The following GINM1 variants were observed in gnomAD, a reference collection of about 807,000 sequenced individuals.
The protein encoded by GINM1 is glycosylated integral membrane protein 1, also known as glycoprotein integral membrane protein 1.
A neutral mutation model predicts 37.8 loss-of-function variants in GINM1; 29 were observed. The ratio of observed to expected loss-of-function variants is 0.77; its 90% CI spans 0.57 to 1.05. The LOEUF is 1.05. Ranked by LOEUF, GINM1 falls within the 50% of genes least tolerant of loss-of-function variation. The pLI, the probability that GINM1 is intolerant of heterozygous loss-of-function variation, is 0.00. For synonymous variants in GINM1, 143 were observed against 146.2 expected, an observed-to-expected ratio of 0.98 and a Z score of 0.16; for missense variants, 377 against 397.9, an observed-to-expected ratio of 0.95 and a Z score of 0.45.
chr6:149,574,239 T>G (rs577280785), intron 3 of GINM1, among the ~76,000 whole-genome samples: 1 of 151,858 alleles, frequency 6.6e-6, no homozygotes, highest in Non-Finnish European at 1.5e-5. Flanking sequence ...TTAGTAGAGA[T>G]GGGGTTTCAC....
Position 149,578,914 on chromosome 6 carries a change from G to T in GINM1, c.370G>T (p.Gly124Cys), listed in dbSNP as rs756233383. Residue 124 changes from glycine (G) to cysteine (C), a missense_variant, in exon 4 of 8, where the codon GGT becomes TGT. Physicochemically the swap from Gly to Cys is radical, Grantham distance 159. Transcript: ENST00000367419. The stretch of plus-strand genomic sequence containing the variant: ...AGTTCATGAGTGGCCTATGACATCT[G>T]GTTCCAGTTTGCAACTAATTGTCAT... ...ILVHEWPMTSGSSLQLIVIQE... is the reference protein window; with the variant it reads ...ILVHEWPMTSCSSLQLIVIQE... 6.2e-7 allele frequency: 1 copy of T among 1,605,422 alleles called. No individual in the cohort carries two copies. Among genetic ancestry groups the T allele is most frequent in the South Asian group, 1.1e-5 (1 of 90,498 alleles).
At chr6:149,575,049 C>G (rs1777893814) in intron 3 of GINM1, among the ~76,000 whole-genome samples, 2 of 151,920 alleles carry the variant, frequency 1.3e-5, no homozygotes, top group South Asian at 4.1e-4. Context: ...TTATGTAGTC[C>G]AATATTCATG....
intron 1 of GINM1, among the ~76,000 whole-genome samples, chr6:149,569,346 T>TC (rs1338988276): frequency 6.8e-6 from 1 of 146,342 alleles, no homozygotes; most frequent in East Asian, 2.1e-4. Context: ...ACTTTTTTTT[T>TC]TTTTTTTTGA....
At chr6:149,569,281 C>T (rs1045761621) in intron 1 of GINM1, among the ~76,000 whole-genome samples, 1 of 151,230 alleles carries the variant, frequency 6.6e-6, no homozygotes, top group African/African-American at 2.4e-5. Context: ...AGTGATCCAC[C>T]CGCCTCAGCC....
chr6:149,567,736 G>C (rs1176489564), intron 1 of GINM1, among the ~76,000 whole-genome samples: 2 of 152,190 alleles, frequency 1.3e-5, no homozygotes, highest in Non-Finnish European at 2.9e-5. Context: ...CAGTTCTGCA[G>C]GGCATTCCAA....
chr6:149,582,339 T>C (rs73006809), intron 6 of GINM1, 101 bp from the exon 7 acceptor site: 79 of 998,390 alleles, frequency 7.9e-5, no homozygotes, highest in Middle Eastern at 2.4e-4. Context: ...AATCAAAATA[T>C]AGAATATTTT....
chr6:149,578,888 T>A lies in GINM1; in HGVS notation c.344T>A (p.Leu115Ter), dbSNP rs1429074272. The A allele has an allele frequency of 1.2e-6, 2 of 1,601,224 alleles. No individual in the cohort carries two copies. The highest frequency in any genetic ancestry group is 2.7e-5 in the African/African-American group (2 of 74,712). Residue 115 changes from leucine (L) to a stop codon, truncating the protein, a stop_gained, in exon 4 of 8, where the codon TTA becomes TAA. Transcript: ENST00000367419. LOFTEE classifies it high-confidence loss of function. ...EYFGIVSVRI[L>*]VHEWPMTSGS... ...TTTGGAATTGTCAGTGTAAGGATTT[T>A]AGTTCATGAGTGGCCTATGACATCT...
intron 7 of GINM1, among the ~76,000 whole-genome samples, chr6:149,589,823 G>A (rs1408478178): frequency 6.6e-6 from 1 of 151,958 alleles, no homozygotes; most frequent in Non-Finnish European, 1.5e-5. Context: ...TTTTGAGACA[G>A]GGGCTAACTT....
intron 4 of GINM1, among the ~76,000 whole-genome samples, chr6:149,579,191 T>C (rs1052240124): frequency 1.3e-5 from 2 of 152,374 alleles, no homozygotes; most frequent in Admixed American, 6.5e-5. Flanking sequence ...CACTTTAAAA[T>C]GTACAGACAT....
intron 1 of GINM1, among the ~76,000 whole-genome samples, chr6:149,569,337 CTTTTTT>C (rs372296900): frequency 8.1e-6 from 1 of 123,866 alleles, no homozygotes; most frequent in Non-Finnish European, 1.7e-5. Flanking sequence ...CGCCCGGTCA[CTTTTTT>C]TTTTTTTTTT....
chr6:149,581,776 T>C lies in GINM1; in HGVS notation c.718-664T>C, dbSNP rs577667028. On this transcript the variant is annotated intron_variant, in intron 6 of 7. Transcript: ENST00000367419. Reference sequence around the variant, plus strand: ...AAATTCATTTTAAATGAGCAGGGTCTATGGTTGGTATTAAAGGAGTAGTAG... The same window carrying C: ...AAATTCATTTTAAATGAGCAGGGTCCATGGTTGGTATTAAAGGAGTAGTAG... 3.1e-4 allele frequency among the ~76,000 whole-genome samples: 47 copies of C among 152,312 alleles called. No homozygotes were observed. The Middle Eastern group carries it at 0.024, about 77-fold the overall frequency.
intron 7 of GINM1, among the ~76,000 whole-genome samples, chr6:149,583,875 A>T (rs1778034957): frequency 6.6e-6 from 1 of 152,194 alleles, no homozygotes; most frequent in Non-Finnish European, 1.5e-5. Context: ...GGAGAGACTG[A>T]CTTTGACTTC....
At chr6:149,583,299 C>G (rs945890245) in intron 7 of GINM1, among the ~76,000 whole-genome samples, 1 of 152,050 alleles carries the variant, frequency 6.6e-6, no homozygotes, top group African/African-American at 2.4e-5. Context: ...CCTGTCTCTA[C>G]TAAAAATACA....
In GINM1 at chr6:149,578,925, G is replaced by A. The variant is rs1436509408; in HGVS notation, c.381G>A (p.Leu127=). The stretch of plus-strand genomic sequence containing the variant: ...GGCCTATGACATCTGGTTCCAGTTT[G>A]CAACTAATTGTCATTCAAGAAGAGG... ...HEWPMTSGSS[L]QLIVIQEEVV... is the part of the protein sequence containing the mutation. Residue 127 remains leucine, a synonymous_variant, in exon 4 of 8, where the codon TTG becomes TTA. Transcript: ENST00000367419. 1 of 1,605,838 alleles carries A rather than the reference G, an allele frequency of 6.2e-7. No individual in the cohort carries two copies. Among genetic ancestry groups the A allele is most frequent in the South Asian group, 1.1e-5 (1 of 90,480 alleles).
rs1488937700 is a variant in GINM1 at position 149,566,403 on chromosome 6, G to C, written c.-12G>C. ...TCCCGGCCGCGGCTGCCCTCTGCCC[G>C]GGTTGTCCAAGATGGAGGGCGCTCC... On this transcript the variant is annotated 5_prime_UTR_variant, in exon 1 of 8. Transcript: ENST00000367419. This position sits in a 1 kb window ranked among gnomAD's most constrained non-coding sequence, Gnocchi z 4.4. 5 of 1,542,548 alleles carry C rather than the reference G, an allele frequency of 3.2e-6. No individual in the cohort carries two copies. Among genetic ancestry groups the C allele is most frequent in the Non-Finnish European group, 3.5e-6 (4 of 1,153,780 alleles).
rs1011744084 is a variant in GINM1, at chr6:149,566,579, T to C, written c.120+45T>C. 4.6e-5 allele frequency: 67 copies of C among 1,450,312 alleles called. No individual in the cohort carries two copies. Among genetic ancestry groups the C allele is most frequent in the Non-Finnish European group, 5.5e-5 (61 of 1,102,586 alleles). 89.8% of individuals were successfully genotyped at this position (1,450,312 alleles called of 1,614,324 possible). On this transcript the variant is annotated intron_variant, in intron 1 of 7. Transcript: ENST00000367419. The surrounding 1 kb of genome is among the most constrained non-coding windows in gnomAD (Gnocchi z 4.4). ...GCTGGCCGCTTTACGACTCCGACTCTCCGGGAGGCCCGGGCTGTCCACAGT... is the reference window on the plus strand; with the variant it reads ...GCTGGCCGCTTTACGACTCCGACTCCCCGGGAGGCCCGGGCTGTCCACAGT...
chr6:149,590,796 A>G lies in GINM1; in HGVS notation c.951A>G (p.Pro317=). 6.2e-7 allele frequency: 1 copy of G among 1,603,042 alleles called. No homozygotes were observed. Among genetic ancestry groups the G allele is most frequent in the Non-Finnish European group, 8.5e-7 (1 of 1,170,246 alleles). The stretch of plus-strand genomic sequence containing the variant: ...CTATCAACTTATATCCAGATGGTCC[A>G]GAGAAAAGAGCTGAAAACCTTGAAG... ...VTAINLYPDG[P]EKRAENLEDK... Residue 317 remains proline, a synonymous_variant, in exon 8 of 8, where the codon CCA becomes CCG. Coordinates refer to ENST00000367419, the MANE Select transcript of GINM1 (RefSeq NM_138785.5).
chr6:149,585,937 A>T (rs1452867019), intron 7 of GINM1, among the ~76,000 whole-genome samples: 1 of 152,184 alleles, frequency 6.6e-6, no homozygotes, highest in Non-Finnish European at 1.5e-5. Flanking sequence ...ATGGGATGTG[A>T]GTGCCTATAG....
intron 5 of GINM1, 90 bp from the exon 6 acceptor site, chr6:149,580,503 T>G: frequency 8.6e-7 from 1 of 1,159,042 alleles, no homozygotes; most frequent in African/African-American, 1.6e-5. Context: ...TATGTGTTCT[T>G]ACTATCCTAA....
Sources: gnomAD v4.1 joint callset for allele counts (sites outside exome capture counted in the v4.1 genomes callset) on GRCh38, gnomAD v4.1.1 for gene constraint, Gnocchi (gnomAD v3.1) non-coding constraint, MANE v1.5 for transcripts, NCBI Gene and HGNC (gene_info 2026-07-23, HGNC 2026-07-21) for gene names.